C1QTNF6: variants seen among roughly 807,000 people sequenced by gnomAD.
The protein encoded by C1QTNF6 is C1q and TNF related 6.
Under a neutral mutation model 20.7 loss-of-function variants are expected in C1QTNF6, and 17 were observed. That is an observed-to-expected ratio of 0.82 (90% CI 0.56 to 1.23). The LOEUF (loss-of-function observed/expected upper bound fraction) is 1.23, where lower values mean the gene tolerates loss of function less well. C1QTNF6 is among the 50% of genes most tolerant of loss of function. The pLI is 0.00. For missense variants in C1QTNF6, 329 were observed against 389.7 expected (o/e 0.84, Z 1.31); for synonymous variants, 130 against 156.3 (o/e 0.83, Z 1.25).
chr22:37,185,087 G>T, intron 2 of C1QTNF6, 131 bp downstream of exon 2: 2 of 1,423,930 alleles, frequency 1.4e-6, no homozygotes, highest in Non-Finnish European at 1.8e-6. Context: ...AACAGACCAG[G>T]CTCACATTGG....
chr22:37,198,882 C>T (rs1165370888), upstream of C1QTNF6, among the ~76,000 whole-genome samples: 1 of 152,162 alleles, frequency 6.6e-6, no homozygotes, highest in Non-Finnish European at 1.5e-5. Context: ...CACGTTGAAC[C>T]GCCCAGGGGC....
At chr22:37,182,914 A>G in intron 2 of C1QTNF6, 179 bp from the exon 3 acceptor site, 1 of 1,433,724 alleles carries the variant, frequency 7.0e-7, no homozygotes, top group Non-Finnish European at 9.1e-7. Context: ...AGAAAACATC[A>G]TGACCGTCTT....
chr22:37,187,979 G>A (rs900759235), intron 1 of C1QTNF6, among the ~76,000 whole-genome samples, 184 bp downstream of exon 1: 3 of 152,140 alleles, frequency 2.0e-5, no homozygotes, highest in East Asian at 1.9e-4. Flanking sequence ...GGCACAAACC[G>A]GGAGCAGTGG....
At chr22:37,185,163 C>T (rs1474076877) in intron 2 of C1QTNF6, 55 bp downstream of exon 2, 5 of 1,505,232 alleles carry the variant, frequency 3.3e-6, no homozygotes, top group Non-Finnish European at 4.4e-6. Context: ...ACTCCCTCCA[C>T]CTCAGCTCCC....
upstream of C1QTNF6, among the ~76,000 whole-genome samples, chr22:37,192,744 C>G (rs1217703450): frequency 6.6e-6 from 1 of 152,170 alleles, no homozygotes; most frequent in East Asian, 1.9e-4. Flanking sequence ...GCCAATTAAT[C>G]AGAGCTCTTT....
Position 37,184,327 on chromosome 22 carries a change from A to G in C1QTNF6, c.289+891T>C, listed in dbSNP as rs1345990730. The G allele has an allele frequency of 1.4e-6, 1 of 716,094 alleles. No individual in the cohort carries two copies. The highest frequency in any genetic ancestry group is 1.7e-5 in the African/African-American group (1 of 57,214). The allele number at this position is 716,094 out of a possible 1,614,324, so 44.4% of individuals were successfully genotyped here. On this transcript the variant is annotated intron_variant, in intron 2 of 2. Coordinates refer to ENST00000337843, the MANE Select transcript of C1QTNF6 (RefSeq NM_031910.4). This position sits in a 1 kb window ranked among gnomAD's most constrained non-coding sequence, Gnocchi z 4.0. ...CATCTGCAAAGTGGGAGGAATAAGA[A>G]AATATCGACCTCACGGGCTGTTGTG...
Position 37,184,619 on chromosome 22 carries a change from A to G in C1QTNF6, c.289+599T>C, listed in dbSNP as rs1475791867. 1.3e-5 allele frequency among the ~76,000 whole-genome samples: 2 copies of G among 151,952 alleles called. No homozygotes were observed. The highest frequency in any genetic ancestry group is 2.9e-5 in the Non-Finnish European group (2 of 67,960). On this transcript the variant is annotated intron_variant, in intron 2 of 2. Coordinates refer to ENST00000337843, the MANE Select transcript of C1QTNF6 (RefSeq NM_031910.4). The surrounding 1 kb of genome is among the most constrained non-coding windows in gnomAD (Gnocchi z 4.0). ...TCGGCCCCCGCTGGTTGCTCTCCAC[A>G]TGACATTAGAGGGATCCATTTGAAA...
chr22:37,188,231 C>A lies in C1QTNF6; in HGVS notation c.-18G>T. ...CACTGCATGGCCTCTGGCTCCTTGG[C>A]CCATGTCTGCAATACTAACTTGTTG... On this transcript the variant is annotated 5_prime_UTR_variant, in exon 1 of 3. Transcript: ENST00000337843. 6.3e-7 allele frequency: 1 copy of A among 1,598,188 alleles called. No homozygotes were observed. Among genetic ancestry groups the A allele is most frequent in the Non-Finnish European group, 8.5e-7 (1 of 1,171,790 alleles).
chr22:37,194,912 G>C (rs956849220), intron 2 of C1QTNF6, among the ~76,000 whole-genome samples: 2 of 152,216 alleles, frequency 1.3e-5, no homozygotes, highest in African/African-American at 4.8e-5. Context: ...ATTGCCTGCC[G>C]GGGGGTGGAG....
upstream of C1QTNF6, chr22:37,191,030 T>G (rs568347020): frequency 6.6e-6 from 1 of 152,330 alleles, no homozygotes; most frequent in African/African-American, 2.4e-5. Context: ...ATTCCTGTTT[T>G]GCTTGATATA....
intron 1 of C1QTNF6, among the ~76,000 whole-genome samples, chr22:37,186,695 G>A (rs575264522): frequency 2.6e-5 from 4 of 152,186 alleles, no homozygotes; most frequent in African/African-American, 9.7e-5. Flanking sequence ...TGCAGCTTCT[G>A]GGGGCTGGTG....
intron 1 of C1QTNF6, among the ~76,000 whole-genome samples, chr22:37,187,448 C>T (rs1924453348): frequency 6.6e-6 from 1 of 152,138 alleles, no homozygotes; most frequent in South Asian, 2.1e-4. Context: ...TGACCTAGGG[C>T]TAGTGGCTGA....
intron 1 of C1QTNF6, among the ~76,000 whole-genome samples, chr22:37,187,642 C>G (rs1290844479): frequency 6.6e-6 from 1 of 151,952 alleles, no homozygotes; most frequent in African/African-American, 2.4e-5. Context: ...GAGAACTTCT[C>G]CCAGAGGACT....
chr22:37,183,612 G>T (rs891507402), intron 2 of C1QTNF6, among the ~76,000 whole-genome samples: 1 of 152,250 alleles, frequency 6.6e-6, no homozygotes, highest in Non-Finnish European at 1.5e-5. Context: ...CCACATCCTT[G>T]CATGGGCTAG....
chr22:37,198,861 A>T (rs1437778674), upstream of C1QTNF6, among the ~76,000 whole-genome samples: 2 of 149,884 alleles, frequency 1.3e-5, no homozygotes, highest in Admixed American at 6.6e-5. Context: ...GCCTGGTTCT[A>T]CCGACTCCCC....
upstream of C1QTNF6, among the ~76,000 whole-genome samples, chr22:37,192,812 T>C (rs1049618618): frequency 6.6e-6 from 1 of 152,108 alleles, no homozygotes; most frequent in Non-Finnish European, 1.5e-5. Context: ...GATCCAGTAG[T>C]TGTAAGATTT....
chr22:37,185,621 C>T (rs1924257941), intron 1 of C1QTNF6, 166 bp from the exon 2 acceptor site: 4 of 1,346,280 alleles, frequency 3.0e-6, no homozygotes, highest in Admixed American at 7.1e-5. Context: ...GAGACCTCCA[C>T]AGAGCAGCAA....
At chr22:37,194,703 C>A (rs1440295118) in intron 2 of C1QTNF6, among the ~76,000 whole-genome samples, 1 of 152,194 alleles carries the variant, frequency 6.6e-6, no homozygotes, top group Non-Finnish European at 1.5e-5. Flanking sequence ...ACTAGCCACC[C>A]CACTCAGTGC....
At chr22:37,186,003 G>A (rs1445159506) in intron 1 of C1QTNF6, 2 of 985,490 alleles carry the variant, frequency 2.0e-6, no homozygotes, top group Non-Finnish European at 1.2e-6. Flanking sequence ...CAGGAGAGGG[G>A]ATGGGTGGCC....
Sources: gnomAD v4.1 joint callset for allele counts (sites outside exome capture counted in the v4.1 genomes callset) on GRCh38, gnomAD v4.1.1 for gene constraint, Gnocchi (gnomAD v3.1) non-coding constraint, MANE v1.5 for transcripts, NCBI Gene and HGNC (gene_info 2026-07-23, HGNC 2026-07-21) for gene names.